Variants in PWWP3A observed in about 807,000 individuals in gnomAD.
The protein encoded by PWWP3A is PWWP domain-containing DNA repair factor 3A.
Under a neutral mutation model 79.0 loss-of-function variants are expected in PWWP3A, and 53 were observed. The observed-to-expected ratio is 0.67, with a 90% CI of 0.54 to 0.84. The LOEUF (loss-of-function observed/expected upper bound fraction) is 0.84. PWWP3A is among the 40% of genes least tolerant of loss of function. The pLI is 0.00. For missense variants in PWWP3A, 973 were observed against 948.0 expected (o/e 1.03, Z -0.35); for synonymous variants, 443 against 394.4 (o/e 1.12, Z -1.46).
At chr19:1,371,876 C>T (rs1255727027) in intron 12 of PWWP3A, among the ~76,000 whole-genome samples, 3 of 146,582 alleles carry the variant, frequency 2.0e-5, no homozygotes, top group South Asian at 4.3e-4. Context: ...GGCGCAATCT[C>T]GGCTCACTGC....
Position 1,376,553 on chromosome 19 carries a change from G to A in PWWP3A, c.2110G>A (p.Glu704Lys), listed in dbSNP as rs1378983939. 20 of 1,613,468 alleles carry A rather than the reference G, an allele frequency of 1.2e-5. No homozygotes were observed. The highest frequency in any genetic ancestry group is 1.6e-5 in the Non-Finnish European group (19 of 1,179,902). ...AATATTTGACAACCAGCTCCTTGAAGAGCGGAACCGGCGCCGTCGGTGAGG... is the reference window on the plus strand; with the variant it reads ...AATATTTGACAACCAGCTCCTTGAAAAGCGGAACCGGCGCCGTCGGTGAGG... ...KEIFDNQLLE[E>K]RNRRRR is the part of the protein sequence containing the mutation. The change falls in exon 14 of 14, where the codon GAG (glutamate) becomes AAG (lysine). Residue 704 changes from glutamate to lysine, a missense_variant. By Grantham distance (56) the Glu-to-Lys change is moderately conservative. Coordinates refer to ENST00000591337, the MANE Select transcript of PWWP3A (RefSeq NM_001369789.1).
intron 3 of PWWP3A, chr19:1,357,838 G>A (rs1212321637): frequency 9.7e-5 from 15 of 155,052 alleles, no homozygotes; most frequent in Non-Finnish European, 1.4e-4. Context: ...GACTGATCCC[G>A]CGTAGTCCAA....
At chr19:1,375,395 C>T (rs2082343227) in intron 13 of PWWP3A, among the ~76,000 whole-genome samples, 1 of 130,480 alleles carries the variant, frequency 7.7e-6, no homozygotes, top group Non-Finnish European at 1.6e-5. Flanking sequence ...ACTGCCCTCT[C>T]ATATATATAT....
At position 1,360,680 on chromosome 19, in the gene PWWP3A, G is replaced by C; in HGVS notation, c.759G>C (p.Pro253=). ...GCAAAGGAGGCAGCTGGGCAGCCCCGTCCTTGCCCTCCGGGGTCAGGGAGG... is the reference window on the plus strand; with the variant it reads ...GCAAAGGAGGCAGCTGGGCAGCCCCCTCCTTGCCCTCCGGGGTCAGGGAGG... ...MGSKGGSWAA[P]SLPSGVREDD... The change falls in exon 5 of 14, where the codon CCG becomes CCC. Residue 253 remains proline (P), a synonymous_variant. Transcript: ENST00000591337. The surrounding 1 kb of genome is among the most constrained non-coding windows in gnomAD (Gnocchi z 4.4). The C allele has an allele frequency of 1.2e-6, 2 of 1,613,304 alleles. No homozygotes were observed.
At chr19:1,365,120 C>T (rs980955541) in intron 7 of PWWP3A, among the ~76,000 whole-genome samples, 8 of 152,044 alleles carry the variant, frequency 5.3e-5, no homozygotes, top group South Asian at 4.2e-4. Context: ...ACTCCGTCTC[C>T]GGGGGAAAGA....
rs1472828367 is a variant in PWWP3A, at chr19:1,355,014, G to C, written c.-191G>C. On this transcript the variant is annotated 5_prime_UTR_variant, in exon 1 of 14. Coordinates refer to ENST00000591337, the MANE Select transcript of PWWP3A (RefSeq NM_001369789.1). ...CGGCGGCGGCGGCGGCGGCGGTGGC[G>C]GAGGCGGTGAGCGCGGGCGGCGCGG... 1 of 150,260 alleles carries C rather than the reference G, an allele frequency of 6.7e-6. No homozygotes were observed. The highest frequency in any genetic ancestry group is 1.5e-5 in the Non-Finnish European group (1 of 68,012). The allele number at this position is 150,260 out of a possible 1,614,324, so 9.3% of individuals were successfully genotyped here.
Position 1,365,013 on chromosome 19 carries a change from G to A in PWWP3A, c.1284+434G>A, listed in dbSNP as rs1313097585. On this transcript the variant is annotated intron_variant, in intron 7 of 13. Transcript: ENST00000591337. ...CGTGCGCCTGTAATCCCAGCTACTCGGGAGGCTGAGGCAGGAGAATGGCGT... is the reference window on the plus strand; with the variant it reads ...CGTGCGCCTGTAATCCCAGCTACTCAGGAGGCTGAGGCAGGAGAATGGCGT... Among the ~76,000 whole-genome samples the A allele has an allele frequency of 2.0e-5, 3 of 152,168 alleles. No homozygotes were observed. The East Asian group carries it at 5.8e-4, about 29-fold the overall frequency.
chr19:1,357,645 T>A, intron 3 of PWWP3A: 1 of 151,230 alleles, frequency 6.6e-6, no homozygotes, highest in East Asian at 1.9e-4. Flanking sequence ...AGGTGTAGAT[T>A]GTCTAGAATG....
In PWWP3A at chr19:1,370,800, C is replaced by G. The variant is rs867724552; in HGVS notation, c.1708C>G (p.Arg570Gly). The change falls in exon 12 of 14, where the codon CGG (arginine) becomes GGG (glycine). Residue 570 changes from arginine (R) to glycine (G), a missense_variant. By Grantham distance (125) the Arg-to-Gly change is moderately radical. Transcript: ENST00000591337. ...CGACCGCTCGCGGGCCGCCCGGGAC[C>G]GGGCCAACCAGAAGCTGGTGGAGTA... ...LPDRSRAARDRANQKLVEYIV... is the reference protein window; with the variant it reads ...LPDRSRAARDGANQKLVEYIV... 1 of 1,560,714 alleles carries G rather than the reference C, an allele frequency of 6.4e-7. No homozygotes were observed. The highest frequency in any genetic ancestry group is 1.4e-5 in the African/African-American group (1 of 73,716).
In PWWP3A at chr19:1,360,307, C is replaced by T. The variant is rs148458938; in HGVS notation, c.386C>T (p.Ser129Leu). ...LRGKPMEHVS[S>L]PCDSNSSSLP... The stretch of plus-strand genomic sequence containing the variant: ...GGGAAGCCCATGGAGCATGTCTCCT[C>T]GCCCTGTGATTCGAACTCCTCATCT... Residue 129 changes from serine (S) to leucine (L), a missense_variant, in exon 5 of 14, where the codon TCG (serine) becomes TTG (leucine). Transcript: ENST00000591337. The surrounding 1 kb of genome is among the most constrained non-coding windows in gnomAD (Gnocchi z 4.4). 3.6e-5 allele frequency: 58 copies of T among 1,613,698 alleles called. No individual in the cohort carries two copies. The African/African-American group carries it at 4.0e-4, about 11-fold the overall frequency.
chr19:1,372,401 A>C (rs1354869545), intron 12 of PWWP3A: 2 of 152,222 alleles, frequency 1.3e-5, no homozygotes, highest in Non-Finnish European at 2.9e-5. Context: ...AAAGTAAAAA[A>C]TAGGGATGAT....
At position 1,360,367 on chromosome 19, in the gene PWWP3A, C is replaced by T. The variant is rs1178526152; in HGVS notation, c.446C>T (p.Pro149Leu). 2 of 1,614,132 alleles carry T rather than the reference C, an allele frequency of 1.2e-6. No individual in the cohort carries two copies. The highest frequency in any genetic ancestry group is 2.2e-5 in the East Asian group (1 of 44,882). The change falls in exon 5 of 14, where the codon CCT (proline) becomes CTT (leucine). Residue 149 changes from proline to leucine, a missense_variant. Physicochemically the swap from Pro to Leu is moderately conservative, Grantham distance 98. Transcript: ENST00000591337. The surrounding 1 kb of genome is among the most constrained non-coding windows in gnomAD (Gnocchi z 4.4). ...PRGDVLGSSR[P>L]HRRRPCVQQS... ...GGAGACGTGTTGGGCAGTTCCAGAC[C>T]TCACAGGAGGAGGCCATGTGTGCAA...
Position 1,376,684 on chromosome 19 carries a change from C to G in PWWP3A, c.*108C>G. ...TCAGGGGGCACGTTTGCGTTTGGAC[C>G]TGTCTGTGCGTTCTCCTGCGTGGCA... On this transcript the variant is annotated 3_prime_UTR_variant, in exon 14 of 14. Coordinates refer to ENST00000591337, the MANE Select transcript of PWWP3A (RefSeq NM_001369789.1). 9.6e-7 allele frequency: 1 copy of G among 1,046,550 alleles called. No homozygotes were observed. The highest frequency in any genetic ancestry group is 1.4e-5 in the South Asian group (1 of 73,260). 64.8% of individuals were successfully genotyped at this position (1,046,550 alleles called of 1,614,324 possible). A position where few individuals can be genotyped will look rare whatever the true frequency, so the allele number is the denominator to read the frequency against.
In PWWP3A at chr19:1,360,788, G is replaced by A. The variant is rs375332559; in HGVS notation, c.867G>A (p.Ser289=). 1.6e-5 allele frequency: 25 copies of A among 1,604,890 alleles called. No homozygotes were observed. The highest frequency in any genetic ancestry group is 1.9e-5 in the Non-Finnish European group (22 of 1,175,984). The change falls in exon 5 of 14, where the codon TCG becomes TCA. Residue 289 remains serine, a synonymous_variant. Coordinates refer to ENST00000591337, the MANE Select transcript of PWWP3A (RefSeq NM_001369789.1). The surrounding 1 kb of genome is among the most constrained non-coding windows in gnomAD (Gnocchi z 4.4). ...CTGCGCCCCCAGCCCCTGAGCCCTCGGCCTGCTCAGAGCCTGGAGAATGCC... is the reference window on the plus strand; with the variant it reads ...CTGCGCCCCCAGCCCCTGAGCCCTCAGCCTGCTCAGAGCCTGGAGAATGCC... ...SLTAPPAPEP[S]ACSEPGECPA...
intron 13 of PWWP3A, chr19:1,374,013 C>T (rs1176766037): frequency 1.3e-5 from 2 of 152,372 alleles, no homozygotes; most frequent in East Asian, 1.9e-4. Flanking sequence ...TGGGTGTTTT[C>T]CTGCTGGATC....
At chr19:1,359,965 C>A in intron 4 of PWWP3A, 171 bp from the exon 5 acceptor site, 1 of 633,828 alleles carries the variant, frequency 1.6e-6, no homozygotes, top group East Asian at 3.2e-5. Flanking sequence ...CGTTCTGTAG[C>A]CTCGTCTCCT....
intron 6 of PWWP3A, 82 bp from the exon 7 acceptor site, chr19:1,364,427 T>G: frequency 9.9e-7 from 1 of 1,007,036 alleles, no homozygotes; most frequent in South Asian, 1.5e-5. Flanking sequence ...CTGTGTTTTC[T>G]CAGGCTGTTA....
chr19:1,370,108 C>A (rs778524640), intron 11 of PWWP3A, among the ~76,000 whole-genome samples: 2 of 152,188 alleles, frequency 1.3e-5, no homozygotes, highest in Non-Finnish European at 2.9e-5. Flanking sequence ...GGCTTGCGTG[C>A]CTGCAGCCCC....
Position 1,357,018 on chromosome 19 carries a change from C to T in PWWP3A, c.67C>T (p.Arg23Ter), listed in dbSNP as rs568483329. 3.5e-5 allele frequency: 57 copies of T among 1,612,698 alleles called. No individual in the cohort carries two copies. Among genetic ancestry groups the T allele is most frequent in the Non-Finnish European group, 4.7e-5 (55 of 1,179,636 alleles). The change falls in exon 3 of 14, where the codon CGA (arginine) becomes TGA (stop). Residue 23 changes from arginine (R) to a stop codon, truncating the protein, a stop_gained. Coordinates refer to ENST00000591337, the MANE Select transcript of PWWP3A (RefSeq NM_001369789.1). LOFTEE classifies it high-confidence loss of function. Reference protein sequence around the residue: ...KRLWPAKVLARTATSTKNKRR... With the variant: ...KRLWPAKVLA ...TTTGTTTTAAATGTAGGTTTTGGCC[C>T]GAACCGCGACTTCAACAAAAAATAA...
Sources: allele counts gnomAD v4.1 joint callset (sites outside exome capture counted in the v4.1 genomes callset), GRCh38; gene constraint gnomAD v4.1.1; non-coding constraint Gnocchi (gnomAD v3.1); transcripts MANE v1.5; gene names NCBI Gene and HGNC (gene_info 2026-07-23, HGNC 2026-07-21).